The following GLB1L3 variants were observed in gnomAD, a reference collection of about 807,000 sequenced individuals.
GLB1L3 encodes beta-galactosidase-1-like protein 3.
GLB1L3 carries 89 observed loss-of-function variants against 89.5 expected under a neutral mutation model. That is an observed-to-expected ratio of 0.99 (90% CI 0.84 to 1.19). The LOEUF (loss-of-function observed/expected upper bound fraction) is 1.19. Ranked by LOEUF, GLB1L3 falls within the 50% of genes most tolerant of loss-of-function variation. The pLI is 0.00. For missense variants in GLB1L3, 812 were observed against 813.3 expected, an observed-to-expected ratio of 1.00 and a Z score of 0.02; for synonymous variants, 314 against 312.3, an observed-to-expected ratio of 1.01 and a Z score of -0.06.
intron 2 of GLB1L3, 33 bp downstream of exon 2, chr11:134,277,484 G>A: frequency 6.2e-7 from 1 of 1,603,784 alleles, no homozygotes; most frequent in South Asian, 1.1e-5. Context: ...TGGGGAGGGA[G>A]GGGAGCGATC....
intron 3 of GLB1L3, among the ~76,000 whole-genome samples, chr11:134,281,020 C>G (rs1175432030): frequency 6.6e-6 from 1 of 152,162 alleles, no homozygotes; most frequent in Admixed American, 6.5e-5. Context: ...CTTATTTTGA[C>G]TAACTCATAG....
chr11:134,277,577 A>G (rs1435604760), intron 2 of GLB1L3, 123 bp from the exon 3 acceptor site: 4 of 1,512,796 alleles, frequency 2.6e-6, no homozygotes, highest in Admixed American at 1.7e-5. Context: ...TCCTACTAAC[A>G]TATGCACAGA....
intron 10 of GLB1L3, among the ~76,000 whole-genome samples, chr11:134,308,011 T>C (rs1248419526): frequency 1.3e-5 from 2 of 151,940 alleles, no homozygotes; most frequent in Non-Finnish European, 2.9e-5. Context: ...CTGTTTTAGG[T>C]TGAAAAATAG....
intron 9 of GLB1L3, among the ~76,000 whole-genome samples, chr11:134,302,096 G>A (rs1325854301): frequency 6.6e-6 from 1 of 152,120 alleles, no homozygotes; most frequent in African/African-American, 2.4e-5. Context: ...TCTCTCCTCT[G>A]ACGTGACCCC....
chr11:134,303,901 G>A (rs1287579214), intron 9 of GLB1L3, among the ~76,000 whole-genome samples: 1 of 152,092 alleles, frequency 6.6e-6, no homozygotes, highest in Admixed American at 6.5e-5. Flanking sequence ...TAATGTGGCA[G>A]TTTTCTTTCA....
Position 134,312,898 on chromosome 11 carries a change from T to G in GLB1L3, c.1500+11T>G, listed in dbSNP as rs1565419754. Reference sequence around the variant, plus strand: ...ATTCCTGAACTCAGGGTATGTAATTTGAGAGTCCAGGTGATGCCCTCGACC... The same window carrying G: ...ATTCCTGAACTCAGGGTATGTAATTGGAGAGTCCAGGTGATGCCCTCGACC... On this transcript the variant is annotated intron_variant, in intron 15 of 19. Transcript: ENST00000431683. 6.3e-7 allele frequency: 1 copy of G among 1,581,740 alleles called. No homozygotes were observed. The highest frequency in any genetic ancestry group is 1.1e-5 in the South Asian group (1 of 88,798).
chr11:134,301,524 A>G (rs1239966649), intron 9 of GLB1L3, among the ~76,000 whole-genome samples: 1 of 152,140 alleles, frequency 6.6e-6, no homozygotes, highest in Non-Finnish European at 1.5e-5. Context: ...CTCTGTCTTA[A>G]CATTCTCATC....
downstream of GLB1L3, among the ~76,000 whole-genome samples, chr11:134,321,074 G>T (rs1484309002): frequency 1.3e-5 from 2 of 152,192 alleles, no homozygotes; most frequent in African/African-American, 4.8e-5. Flanking sequence ...GAAGGATGCT[G>T]ACATATGTGA....
intron 12 of GLB1L3, 73 bp downstream of exon 12, chr11:134,310,724 A>C (rs1591586237): frequency 8.5e-7 from 1 of 1,177,904 alleles, no homozygotes; most frequent in African/African-American, 1.5e-5. Context: ...AAAGTGAGGA[A>C]GGCGTGGGTC....
At chr11:134,308,403 A>T (rs1380785599) in intron 10 of GLB1L3, among the ~76,000 whole-genome samples, 1 of 101,380 alleles carries the variant, frequency 9.9e-6, no homozygotes, top group Admixed American at 1.1e-4. Flanking sequence ...CACCATCACC[A>T]TCACCACCAC....
intron 7 of GLB1L3, among the ~76,000 whole-genome samples, chr11:134,291,139 T>G (rs1269541817): frequency 6.6e-6 from 1 of 152,076 alleles, no homozygotes; most frequent in Non-Finnish European, 1.5e-5. Flanking sequence ...TCCGATTTCC[T>G]CATATAGTCG....
At chr11:134,292,282 T>A in intron 8 of GLB1L3, 69 bp downstream of exon 8, 1 of 1,177,612 alleles carries the variant, frequency 8.5e-7, no homozygotes, top group South Asian at 1.3e-5. Context: ...TTGAACACAC[T>A]GCAGAGAAAA....
At position 134,293,167 on chromosome 11, in the gene GLB1L3, A is replaced by T. The variant is rs558513834; in HGVS notation, c.834A>T (p.Gln278His). Reference protein sequence around the residue: ...TKGVLAAINLQKLHQDTFNQL... With the variant: ...TKGVLAAINLHKLHQDTFNQL... ...CAGTGTTGGCCGCCATCAATTTGCA[A>T]AAACTTCACCAGGATACTTTCAATC... Residue 278 changes from glutamine (Q) to histidine (H), a missense_variant, in exon 9 of 20, where the codon CAA (glutamine) becomes CAT (histidine). Transcript: ENST00000431683. 1.2e-6 allele frequency: 2 copies of T among 1,613,886 alleles called. No individual in the cohort carries two copies. The highest frequency in any genetic ancestry group is 1.3e-5 in the African/African-American group (1 of 75,014).
At chr11:134,314,957 G>C (rs1942917102) in intron 18 of GLB1L3, among the ~76,000 whole-genome samples, 2 of 152,066 alleles carry the variant, frequency 1.3e-5, no homozygotes, top group South Asian at 2.1e-4. Context: ...ATCAACAAAT[G>C]ATCACAAAGT....
At chr11:134,306,335 A>C (rs764590645) in intron 9 of GLB1L3, among the ~76,000 whole-genome samples, 1 of 152,232 alleles carries the variant, frequency 6.6e-6, no homozygotes, top group Non-Finnish European at 1.5e-5. Flanking sequence ...AATTGTGTTG[A>C]TAGCCAGACA....
chr11:134,288,440 G>A (rs1426417618), intron 6 of GLB1L3, among the ~76,000 whole-genome samples: 1 of 152,230 alleles, frequency 6.6e-6, no homozygotes, highest in Non-Finnish European at 1.5e-5. Context: ...AAGGCCGTGG[G>A]ACCCACACGC....
intron 12 of GLB1L3, 193 bp downstream of exon 12, chr11:134,310,844 T>A: frequency 1.6e-6 from 1 of 620,144 alleles, no homozygotes. Context: ...TTCTAAGCAT[T>A]TTATAAGCCT....
At chr11:134,276,329 C>G (rs1033915310), upstream of GLB1L3, 1 of 176,672 alleles carries the variant, frequency 5.7e-6, no homozygotes, top group Non-Finnish European at 1.2e-5. Flanking sequence ...GCACGGAGAC[C>G]GCCCGCTGTG....
rs1940456106 is a variant in GLB1L3 at position 134,277,724 on chromosome 11, T to C, written c.174T>C (p.Pro58=). 3 of 1,611,744 alleles carry C rather than the reference T, an allele frequency of 1.9e-6. No homozygotes were observed. The highest frequency in any genetic ancestry group is 2.2e-5 in the East Asian group (1 of 44,818). ...GGTTTAATTGGTCTCATCTGACCCC[T>C]CTGGAGCTGAAGAATCGATCTGTGG... The part of the protein sequence containing the change: ...QPRFNWSHLT[P]LELKNRSVGL... Residue 58 remains proline, a synonymous_variant, in exon 3 of 20, where the codon CCT becomes CCC. Transcript: ENST00000431683.
Sources: gnomAD v4.1 joint callset for allele counts (sites outside exome capture counted in the v4.1 genomes callset) on GRCh38, gnomAD v4.1.1 for gene constraint, MANE v1.5 for transcripts, NCBI Gene and HGNC (gene_info 2026-07-23, HGNC 2026-07-21) for gene names.